The following CSRP1 variants were observed in gnomAD, a reference collection of about 807,000 sequenced individuals.
CSRP1 encodes the protein cysteine and glycine-rich protein 1.
A neutral mutation model predicts 25.4 loss-of-function variants in CSRP1; 16 were observed. The ratio of observed to expected loss-of-function variants is 0.63; its 90% confidence interval spans 0.43 to 0.96. The LOEUF is 0.96. CSRP1 is among the 40% of genes least tolerant of loss of function. The pLI, the probability that CSRP1 is intolerant of heterozygous loss-of-function variation, is 0.00. For missense variants in CSRP1, 212 were observed against 243.6 expected, an observed-to-expected ratio of 0.87 and a Z score of 0.86; for synonymous variants, 97 against 95.3, an observed-to-expected ratio of 1.02 and a Z score of -0.10.
chr1:201,503,568 G>A (rs1263300165), intron 1 of CSRP1, among the ~76,000 whole-genome samples: 1 of 152,114 alleles, frequency 6.6e-6, no homozygotes, highest in African/African-American at 2.4e-5. Flanking sequence ...AGACTCAGAC[G>A]CTGCCTTCTG....
intron 4 of CSRP1, 138 bp downstream of exon 4, chr1:201,488,717 C>T (rs1367466033): frequency 2.0e-6 from 2 of 985,686 alleles, no homozygotes; most frequent in Non-Finnish European, 3.0e-6. Context: ...ATGCAACCCA[C>T]AGGGACAAAG....
intron 4 of CSRP1, 109 bp downstream of exon 4, chr1:201,488,746 G>A: frequency 7.5e-7 from 1 of 1,328,818 alleles, no homozygotes; most frequent in East Asian, 2.4e-5. Flanking sequence ...TTAAACCCCA[G>A]TGCTCAGGCT....
Position 201,488,847 on chromosome 1 carries a change from C to T in CSRP1, c.411+8G>A, listed in dbSNP as rs768184914. ...CCCCATCCCTCTCATGCCCAGCAGC[C>T]ACCTTACCTTCCCAGCACCAATCAC... On this transcript the variant is annotated splice_region_variant and intron_variant, in intron 4 of 5. Coordinates refer to ENST00000340006, the MANE Select transcript of CSRP1 (RefSeq NM_004078.3). 9.9e-6 allele frequency: 16 copies of T among 1,612,196 alleles called. No individual in the cohort carries two copies. In the East Asian group the frequency reaches 3.6e-4, roughly 36 times the overall value.
rs938476648 is a variant in CSRP1, at chr1:201,484,562, A to G, written c.*151T>C. ...GGGTGGGACCTCAGGCAGACCCCCA[A>G]ACCAAAGGGAGCCAGATGCCCAAGT... On this transcript the variant is annotated 3_prime_UTR_variant, in exon 6 of 6. Transcript: ENST00000340006. The G allele has an allele frequency of 2.9e-5, 22 of 765,144 alleles. No homozygotes were observed. Among genetic ancestry groups the G allele is most frequent in the Middle Eastern group, 6.0e-4 (2 of 3,318 alleles). The allele number at this position is 765,144 out of a possible 1,614,324, so 47.4% of individuals were successfully genotyped here.
chr1:201,487,360 C>T (rs1025037740), intron 4 of CSRP1: 2 of 155,232 alleles, frequency 1.3e-5, no homozygotes, highest in Admixed American at 6.5e-5. Flanking sequence ...GCTAAGATCG[C>T]GCCACTGTAC....
chr1:201,490,747 G>A (rs77002896), intron 2 of CSRP1: 2,495 of 160,048 alleles, frequency 0.016, 70 homozygotes, highest in African/African-American at 0.057. Context: ...TGGGGGAGGA[G>A]GAAAAAGAAA....
Position 201,490,304 on chromosome 1 carries a change from C to G in CSRP1, c.153G>C (p.Val51=). The G allele has an allele frequency of 6.2e-7, 1 of 1,614,204 alleles. No individual in the cohort carries two copies. Among genetic ancestry groups the G allele is most frequent in the East Asian group, 2.2e-5 (1 of 44,882 alleles). The stretch of plus-strand genomic sequence containing the variant: ...ACTTGCAGTAAATCTCCTCACCATG[C>G]ACGGCCACAGTGGTACTGTCCAGAT... ...KKNLDSTTVA[V]HGEEIYCKSC... is the part of the protein sequence containing the mutation. Residue 51 remains valine, a synonymous_variant, in exon 3 of 6, where the codon GTG becomes GTC. Transcript: ENST00000340006.
intron 2 of CSRP1, chr1:201,491,111 G>C (rs1664325338): frequency 6.6e-6 from 1 of 152,166 alleles, no homozygotes; most frequent in Non-Finnish European, 1.5e-5. Flanking sequence ...GTTAATCTCA[G>C]AGGGGAGCTA....
At chr1:201,507,018 C>G (rs1440959691) in intron 1 of CSRP1, 52 bp downstream of exon 1, 3 of 152,178 alleles carry the variant, frequency 2.0e-5, no homozygotes, top group Non-Finnish European at 4.4e-5. Context: ...TGAGTGCGTG[C>G]CCAGGCGCCC....
At chr1:201,494,992 A>G (rs1664464873) in intron 2 of CSRP1, among the ~76,000 whole-genome samples, 1 of 152,252 alleles carries the variant, frequency 6.6e-6, no homozygotes, top group East Asian at 1.9e-4. Flanking sequence ...ATAATGAGAA[A>G]ACTCAACCAG....
intron 1 of CSRP1, among the ~76,000 whole-genome samples, chr1:201,503,200 T>C (rs1664716970): frequency 6.6e-6 from 1 of 152,188 alleles, no homozygotes; most frequent in South Asian, 2.1e-4. Flanking sequence ...GATGACTTCT[T>C]TGTAGTATTT....
chr1:201,489,114 AG>A lies in CSRP1; in HGVS notation c.282-131del, dbSNP rs574619467. The A allele has an allele frequency of 5.3e-4, 635 of 1,200,112 alleles. 1 individual carries two copies. The African/African-American group carries it at 8.9e-3, about 17-fold the overall frequency. The allele number at this position is 1,200,112 out of a possible 1,614,324, so 74.3% of individuals were successfully genotyped here. On this transcript the variant is annotated intron_variant, in intron 3 of 5. Transcript: ENST00000340006. ...GCAATTCTCTCTGCCAAAGTCACAAAGGCTAGGGCCTCTAGGGTCATCTCCC... is the reference window on the plus strand; with the variant it reads ...GCAATTCTCTCTGCCAAAGTCACAAAGCTAGGGCCTCTAGGGTCATCTCCC...
chr1:201,491,596 C>T (rs1401412801), intron 2 of CSRP1: 14 of 152,210 alleles, frequency 9.2e-5, no homozygotes, highest in Admixed American at 7.9e-4. Context: ...CATCGGGAGA[C>T]AAGGAAGTGG....
At chr1:201,486,343 T>C (rs1253040746) in intron 4 of CSRP1, 2 of 985,424 alleles carry the variant, frequency 2.0e-6, no homozygotes, top group Admixed American at 6.1e-5. Flanking sequence ...TAGACAGCTC[T>C]GCTTAACCCA....
Position 201,484,621 on chromosome 1 carries a change from G to C in CSRP1, c.*92C>G. ...TTAGTGATATGTGGCAGGGCTGACA[G>C]AGAAATAATCCTGGAGGTCTCCAAA... is the stretch of plus-strand genomic sequence containing the variant. On this transcript the variant is annotated 3_prime_UTR_variant, in exon 6 of 6. Coordinates refer to ENST00000340006, the MANE Select transcript of CSRP1 (RefSeq NM_004078.3). The C allele has an allele frequency of 8.3e-7, 1 of 1,207,230 alleles. No individual in the cohort carries two copies. The highest frequency in any genetic ancestry group is 1.4e-5 in the South Asian group (1 of 73,990). 74.8% of individuals were successfully genotyped at this position (1,207,230 alleles called of 1,614,324 possible).
Position 201,483,563 on chromosome 1 carries a change from A to G in CSRP1, c.*1150T>C, listed in dbSNP as rs1225392050. The G allele has an allele frequency of 6.0e-6, 1 of 165,582 alleles. No homozygotes were observed. The highest frequency in any genetic ancestry group is 1.3e-5 in the Non-Finnish European group (1 of 74,968). The allele number at this position is 165,582 out of a possible 1,614,324, so 10.3% of individuals were successfully genotyped here. A position where few individuals can be genotyped will look rare whatever the true frequency, so the allele number is the denominator to read the frequency against. On this transcript the variant is annotated 3_prime_UTR_variant, in exon 6 of 6. Transcript: ENST00000340006. ...TAAACAGCTTTATTGACCAGATGAG[A>G]AATCAGCTTGGGTACAGCCCATGCC...
chr1:201,495,171 A>C (rs2102410251), intron 2 of CSRP1, among the ~76,000 whole-genome samples: 1 of 152,330 alleles, frequency 6.6e-6, no homozygotes, highest in Non-Finnish European at 1.5e-5. Flanking sequence ...TGAGGTGGGC[A>C]GACTGCTTAA....
rs1216201105 is a variant in CSRP1, at chr1:201,488,874, T to C, written c.392A>G (p.Lys131Arg). 6.2e-7 allele frequency: 1 copy of C among 1,614,016 alleles called. No individual in the cohort carries two copies. Among genetic ancestry groups the C allele is most frequent in the Non-Finnish European group, 8.5e-7 (1 of 1,179,948 alleles). Residue 131 changes from lysine (K) to arginine (R), a missense_variant, in exon 4 of 6, where the codon AAG becomes AGG. Physicochemically the swap from Lys to Arg is conservative, Grantham distance 26. Transcript: ENST00000340006. ...CCTTACCTTCCCAGCACCAATCACCTTCTCCGCAGCATAGACTGCCTGGCT... is the reference window on the plus strand; with the variant it reads ...CCTTACCTTCCCAGCACCAATCACCCTCTCCGCAGCATAGACTGCCTGGCT... Reference protein sequence around the residue: ...RCSQAVYAAEKVIGAGKSWHK... With the variant: ...RCSQAVYAAERVIGAGKSWHK...
chr1:201,503,975 G>A lies in CSRP1; in HGVS notation c.-2+3095C>T, dbSNP rs61234139. ...TGGCCATGCAACAGACTGAAAACCC[G>A]GAGGTCAGGAGTTCTAACCCTGATC... is the stretch of plus-strand genomic sequence containing the variant. On this transcript the variant is annotated intron_variant, in intron 1 of 5. Coordinates refer to ENST00000340006, the MANE Select transcript of CSRP1 (RefSeq NM_004078.3). Among the ~76,000 whole-genome samples the A allele has an allele frequency of 2.6e-4, 39 of 152,250 alleles. No homozygotes were observed. The East Asian group carries it at 6.2e-3, about 24-fold the overall frequency.
Sources: gnomAD v4.1 joint callset for allele counts (sites outside exome capture counted in the v4.1 genomes callset) on GRCh38, gnomAD v4.1.1 for gene constraint, MANE v1.5 for transcripts, NCBI Gene and HGNC (gene_info 2026-07-23, HGNC 2026-07-21) for gene names.